The following DIAPH1 variants were observed in gnomAD, a reference collection of about 807,000 sequenced individuals.
DIAPH1 encodes the protein protein diaphanous homolog 1.
In DIAPH1, 46 loss-of-function variants were observed where a neutral mutation model predicts 140.7. The observed-to-expected ratio is 0.33, with a 90% confidence interval of 0.26 to 0.42. The LOEUF (loss-of-function observed/expected upper bound fraction) is 0.42, where lower values mean the gene tolerates loss of function less well. DIAPH1 is among the 10% of genes least tolerant of loss of function. The pLI is 1.00. For missense variants in DIAPH1, 1,310 were observed against 1,558.7 expected, an observed-to-expected ratio of 0.84 and a Z score of 2.69; for synonymous variants, 565 against 551.6, an observed-to-expected ratio of 1.02 and a Z score of -0.34.
At chr5:141,607,342 C>A (rs1421674192) in intron 1 of DIAPH1, among the ~76,000 whole-genome samples, 2 of 152,134 alleles carry the variant, frequency 1.3e-5, no homozygotes, top group Non-Finnish European at 2.9e-5. Context: ...AAGAGTCACG[C>A]CTTTTAAAAT....
At chr5:141,591,727 T>TATATATATATATATATATATATA in intron 1 of DIAPH1, among the ~76,000 whole-genome samples, 1 of 137,100 alleles carries the variant, frequency 7.3e-6, no homozygotes, top group Admixed American at 7.2e-5. Flanking sequence ...TATATATATA[T>TATATATATATATATATATATATA]GAAGGAAGAT....
At chr5:141,538,889 T>C (rs150889341) in intron 18 of DIAPH1, among the ~76,000 whole-genome samples, 1 of 152,296 alleles carries the variant, frequency 6.6e-6, no homozygotes, top group Non-Finnish European at 1.5e-5. Context: ...ATTAAAGATT[T>C]TTGCTACCAA....
intron 18 of DIAPH1, among the ~76,000 whole-genome samples, chr5:141,569,557 G>A (rs560179741): frequency 1.3e-5 from 2 of 152,242 alleles, no homozygotes; most frequent in South Asian, 4.1e-4. Flanking sequence ...GAGGTCAGGA[G>A]TTCAAGACCA....
chr5:141,593,607 C>T (rs1262996603), intron 1 of DIAPH1, among the ~76,000 whole-genome samples: 1 of 152,158 alleles, frequency 6.6e-6, no homozygotes, highest in African/African-American at 2.4e-5. Context: ...TTGTACAGCA[C>T]TACTAAGGTG....
intron 18 of DIAPH1, chr5:141,564,096 T>G (rs965567077): frequency 6.6e-6 from 1 of 152,214 alleles, no homozygotes; most frequent in Non-Finnish European, 1.5e-5. Flanking sequence ...TATGCTTTCA[T>G]GAAGGTATCA....
intron 27 of DIAPH1, among the ~76,000 whole-genome samples, chr5:141,518,111 T>C (rs762855191): frequency 3.3e-5 from 5 of 151,998 alleles, no homozygotes; most frequent in Non-Finnish European, 5.9e-5. Context: ...AGATAGAAAA[T>C]AGACTGGTGG....
At chr5:141,526,578 GT>G (rs2099887360) in intron 24 of DIAPH1, 117 bp from the exon 25 acceptor site, 1 of 1,270,276 alleles carries the variant, frequency 7.9e-7, no homozygotes. Flanking sequence ...ATACAGCACT[GT>G]TTATAACAGC....
intron 18 of DIAPH1, among the ~76,000 whole-genome samples, chr5:141,551,627 C>T (rs1562302776): frequency 6.6e-6 from 1 of 151,970 alleles, no homozygotes; most frequent in Non-Finnish European, 1.5e-5. Flanking sequence ...ATTCTAGCAG[C>T]TTTTCTGTAT....
intron 1 of DIAPH1, among the ~76,000 whole-genome samples, chr5:141,600,642 C>G (rs889937268): frequency 6.6e-6 from 1 of 151,902 alleles, no homozygotes; most frequent in Non-Finnish European, 1.5e-5. Flanking sequence ...ATTTATTAAC[C>G]CCCCACATAT....
chr5:141,553,377 C>T (rs2099892047), intron 18 of DIAPH1, among the ~76,000 whole-genome samples: 2 of 152,062 alleles, frequency 1.3e-5, no homozygotes, highest in Non-Finnish European at 2.9e-5. Context: ...TGGTGGCTCA[C>T]GCCTGTAATC....
intron 23 of DIAPH1, 111 bp from the exon 24 acceptor site, chr5:141,527,808 T>C (rs1037483197): frequency 7.7e-7 from 1 of 1,298,398 alleles, no homozygotes. Context: ...CTTCAGTCTA[T>C]ACACACATTC....
intron 27 of DIAPH1, among the ~76,000 whole-genome samples, chr5:141,519,769 C>T (rs765428667): frequency 6.6e-6 from 1 of 152,178 alleles, no homozygotes; most frequent in Non-Finnish European, 1.5e-5. Flanking sequence ...ACAGGTCTCC[C>T]AGCTTTCCAC....
rs368723568 is a variant in DIAPH1, at chr5:141,573,096, C to G, written c.2358+396G>C. Among the ~76,000 whole-genome samples, 17 of 152,240 alleles carry G rather than the reference C, an allele frequency of 1.1e-4. 1 individual carries two copies. In the South Asian group the frequency reaches 3.3e-3, roughly 30 times the overall value. On this transcript the variant is annotated intron_variant, in intron 16 of 27. Transcript: ENST00000389054. The stretch of plus-strand genomic sequence containing the variant: ...AAAGATGAAAGCCTTAAGGCGTAGC[C>G]CATCCATGCACAAAATACAAAGTAG...
intron 16 of DIAPH1, 124 bp downstream of exon 16, chr5:141,573,368 G>C (rs1167008095): frequency 8.2e-7 from 1 of 1,226,316 alleles, no homozygotes; most frequent in Non-Finnish European, 1.2e-6. Context: ...CCGGGAGGCG[G>C]AGCTTGCAGT....
intron 1 of DIAPH1, among the ~76,000 whole-genome samples, chr5:141,617,450 C>T (rs1411643108): frequency 1.3e-5 from 2 of 152,180 alleles, no homozygotes; most frequent in South Asian, 2.1e-4. Context: ...AAACATCTAA[C>T]CCTCCAGGGT....
chr5:141,538,865 G>C (rs1258212910), intron 18 of DIAPH1, among the ~76,000 whole-genome samples: 1 of 152,164 alleles, frequency 6.6e-6, no homozygotes, highest in African/African-American at 2.4e-5. Flanking sequence ...ACCACACCCA[G>C]TCAATAGTTT....
intron 4 of DIAPH1, 67 bp downstream of exon 4, chr5:141,584,057 A>C (rs2099897175): frequency 1.5e-5 from 13 of 855,622 alleles, no homozygotes; most frequent in Non-Finnish European, 2.4e-5. Flanking sequence ...TAAAATTGGC[A>C]AAAAAAAAAC....
chr5:141,554,972 G>T (rs1029931829), intron 18 of DIAPH1, among the ~76,000 whole-genome samples: 1 of 152,084 alleles, frequency 6.6e-6, no homozygotes, highest in African/African-American at 2.4e-5. Flanking sequence ...TGGAGGTTCA[G>T]TTGTAACTGG....
Position 141,571,863 on chromosome 5 carries a change from A to T in DIAPH1, c.2473+63T>A, listed in dbSNP as rs141733452. On this transcript the variant is annotated intron_variant, in intron 17 of 27. Coordinates refer to ENST00000389054, the MANE Select transcript of DIAPH1 (RefSeq NM_005219.5). ...CCCAGGGAAGGGAAGGGAATAGGAA[A>T]CCTAATGAAAAAATATTCTAAGCCC... 62 of 1,182,110 alleles carry T rather than the reference A, an allele frequency of 5.2e-5. No individual in the cohort carries two copies. In the East Asian group the frequency reaches 1.4e-3, roughly 26 times the overall value. The allele number at this position is 1,182,110 out of a possible 1,614,324, so 73.2% of individuals were successfully genotyped here. A position where few individuals can be genotyped will look rare whatever the true frequency, so the allele number is the denominator to read the frequency against.
Sources: allele counts gnomAD v4.1 joint callset (sites outside exome capture counted in the v4.1 genomes callset), GRCh38; gene constraint gnomAD v4.1.1; transcripts MANE v1.5; gene names NCBI Gene and HGNC (gene_info 2026-07-23, HGNC 2026-07-21).